IL1RAPL2: variants seen among roughly 807,000 people sequenced by gnomAD.
IL1RAPL2 encodes the protein X-linked interleukin-1 receptor accessory protein-like 2.
In IL1RAPL2, 3 loss-of-function variants were observed where a neutral mutation model predicts 44.1. The ratio of observed to expected loss-of-function variants is 0.07; its 90% CI spans 0.03 to 0.18. The LOEUF (loss-of-function observed/expected upper bound fraction) is 0.18. Ranked by LOEUF, IL1RAPL2 falls within the 10% of genes least tolerant of loss-of-function variation. The pLI is 1.00. For missense variants in IL1RAPL2, 391 were observed against 496.4 expected (o/e 0.79, Z 2.02); for synonymous variants, 181 against 178.8 (o/e 1.01, Z -0.10).
chrX:105,276,562 T>C (rs1375469506), intron 5 of IL1RAPL2, among the ~76,000 whole-genome samples: 2 of 112,382 alleles, frequency 1.8e-5, no homozygotes, highest in Non-Finnish European at 3.8e-5. Context: ...ATTGCTGCCA[T>C]GTGAGATTGA....
intron 1 of IL1RAPL2, among the ~76,000 whole-genome samples, chrX:104,634,599 T>C (rs923211825): frequency 8.9e-6 from 1 of 112,067 alleles, no homozygotes; most frequent in Non-Finnish European, 1.9e-5. Flanking sequence ...CATTATGGAA[T>C]GGCCTTCTTT....
At chrX:105,422,170 A>T (rs946869544) in intron 5 of IL1RAPL2, among the ~76,000 whole-genome samples, 9 of 112,019 alleles carry the variant, frequency 8.0e-5, no homozygotes, top group African/African-American at 2.6e-4. Context: ...TTTGTTTCAT[A>T]GGAGTCTCAG....
intron 2 of IL1RAPL2, among the ~76,000 whole-genome samples, chrX:104,961,770 G>A (rs1318129574): frequency 1.8e-5 from 2 of 111,741 alleles, no homozygotes; most frequent in Non-Finnish European, 3.8e-5. Context: ...TCTTATATTC[G>A]ACACTTTATT....
chrX:105,198,402 G>A (rs1424146006), intron 3 of IL1RAPL2, among the ~76,000 whole-genome samples: 1 of 111,732 alleles, frequency 8.9e-6, no homozygotes, highest in African/African-American at 3.2e-5. Context: ...CCTACAAAAG[G>A]CGCTGTAATA....
chrX:105,124,758 T>A (rs1165844040), intron 2 of IL1RAPL2, among the ~76,000 whole-genome samples: 2 of 110,811 alleles, frequency 1.8e-5, no homozygotes, highest in African/African-American at 6.5e-5. Flanking sequence ...TAAGAGAAGG[T>A]GTCTATTTCT....
At chrX:104,975,921 G>C (rs1252771976) in intron 2 of IL1RAPL2, among the ~76,000 whole-genome samples, 1 of 111,339 alleles carries the variant, frequency 9.0e-6, no homozygotes, top group Non-Finnish European at 1.9e-5. Flanking sequence ...GAGGGCATAG[G>C]CTTTCTAGCC....
intron 6 of IL1RAPL2, among the ~76,000 whole-genome samples, chrX:105,704,890 C>A (rs754611244): frequency 9.1e-6 from 1 of 110,393 alleles, no homozygotes; most frequent in Admixed American, 9.7e-5. Context: ...GAGCTGTTTT[C>A]TAATTTTAAT....
chrX:105,344,229 T>C (rs1263161435), intron 5 of IL1RAPL2, among the ~76,000 whole-genome samples: 2 of 112,174 alleles, frequency 1.8e-5, no homozygotes, highest in Non-Finnish European at 3.8e-5. Flanking sequence ...GAATATGTAT[T>C]CCTTTTTAAG....
chrX:104,698,581 A>G (rs1470994028), intron 2 of IL1RAPL2, among the ~76,000 whole-genome samples: 3 of 111,777 alleles, frequency 2.7e-5, no homozygotes, highest in Non-Finnish European at 5.6e-5. Flanking sequence ...AATAGTTATC[A>G]ACTCCCTTAT....
intron 2 of IL1RAPL2, among the ~76,000 whole-genome samples, chrX:105,009,307 T>G (rs1203672789): frequency 1.8e-5 from 2 of 110,053 alleles, no homozygotes; most frequent in Non-Finnish European, 3.8e-5. Flanking sequence ...CACATATGTT[T>G]ATTGCAGCAC....
At chrX:105,760,552 G>C (rs901835674) in intron 10 of IL1RAPL2, among the ~76,000 whole-genome samples, 11 of 112,215 alleles carry the variant, frequency 9.8e-5, no homozygotes, top group African/African-American at 3.6e-4. Context: ...AGACAGAAAT[G>C]TGGACAGCAT....
intron 2 of IL1RAPL2, among the ~76,000 whole-genome samples, chrX:104,855,680 C>CTTTTTTTTTTTTTTTT (rs1304044009): frequency 3.7e-5 from 2 of 53,806 alleles, no homozygotes; most frequent in African/African-American, 1.3e-4. Flanking sequence ...GATCTGGATC[C>CTTTTTTTTTTTTTTTT]GTTTTTTTTT....
chrX:105,412,306 G>GTATA (rs56979628), intron 5 of IL1RAPL2, among the ~76,000 whole-genome samples: 41 of 93,189 alleles, frequency 4.4e-4, no homozygotes, highest in South Asian at 3.1e-3. Context: ...GAAAAATGTA[G>GTATA]TATATATATA....
intron 2 of IL1RAPL2, among the ~76,000 whole-genome samples, chrX:104,953,147 G>A (rs752389977): frequency 1.6e-4 from 18 of 111,588 alleles, no homozygotes; most frequent in African/African-American, 5.5e-4. Context: ...CACGTTGAAA[G>A]GTTACTTTCA....
At chrX:105,513,596 G>T (rs2036488600) in intron 6 of IL1RAPL2, among the ~76,000 whole-genome samples, 1 of 111,570 alleles carries the variant, frequency 9.0e-6, no homozygotes. Flanking sequence ...CATATCTTTT[G>T]CCCAGTTTTT....
chrX:104,964,299 T>G (rs866159592), intron 2 of IL1RAPL2, among the ~76,000 whole-genome samples: 4 of 106,806 alleles, frequency 3.7e-5, no homozygotes, highest in African/African-American at 1.4e-4. Context: ...TTTATTTATT[T>G]ATTTATTTAT....
chrX:105,747,448 TTCTCTCTCTCTCTC>T (rs746410456), intron 8 of IL1RAPL2, among the ~76,000 whole-genome samples: 1 of 84,652 alleles, frequency 1.2e-5, no homozygotes, highest in Admixed American at 1.3e-4. Flanking sequence ...TGATTGGCTG[TTCTCTCTCTCTCTC>T]TCTCTCTCTC....
At chrX:105,021,085 T>C (rs1455059453) in intron 2 of IL1RAPL2, among the ~76,000 whole-genome samples, 1 of 111,858 alleles carries the variant, frequency 8.9e-6, no homozygotes, top group Middle Eastern at 4.2e-3. Flanking sequence ...CTTAAGGAGA[T>C]AGACTTGAAT....
chrX:105,050,726 G>A (rs930264471), intron 2 of IL1RAPL2, among the ~76,000 whole-genome samples: 20 of 112,220 alleles, frequency 1.8e-4, no homozygotes, highest in African/African-American at 6.5e-4. Flanking sequence ...TCAAAGAAGA[G>A]CTTTACTGTT....
Sources: gnomAD v4.1 joint callset for allele counts (sites outside exome capture counted in the v4.1 genomes callset) on GRCh38, gnomAD v4.1.1 for gene constraint, MANE v1.5 for transcripts, NCBI Gene and HGNC (gene_info 2026-07-23, HGNC 2026-07-21) for gene names.